Variants in PDE4D observed in about 807,000 individuals in gnomAD.
The protein encoded by PDE4D is phosphodiesterase 4D, also known as 3',5'-cyclic-AMP phosphodiesterase 4D.
PDE4D carries 24 observed loss-of-function variants against 87.4 expected under a neutral mutation model. That is an observed-to-expected ratio of 0.27 (90% confidence interval 0.20 to 0.39). The LOEUF is 0.39. Ranked by LOEUF, PDE4D falls within the 10% of genes least tolerant of loss-of-function variation. The pLI is 1.00. For synonymous variants in PDE4D, 384 were observed against 383.2 expected (o/e 1.00, Z -0.02); for missense variants, 714 against 1,041.0 (o/e 0.69, Z 4.32).
At chr5:60,205,993 G>A (rs1276525437) in intron 1 of PDE4D, among the ~76,000 whole-genome samples, 1 of 152,160 alleles carries the variant, frequency 6.6e-6, no homozygotes, top group Non-Finnish European at 1.5e-5. Flanking sequence ...TTCAACTAAT[G>A]TCATTAAGTG....
chr5:59,993,756 A>G (rs1763247955), intron 2 of PDE4D, among the ~76,000 whole-genome samples: 1 of 152,068 alleles, frequency 6.6e-6, no homozygotes, highest in South Asian at 2.1e-4. Flanking sequence ...ATAAAATGAT[A>G]CAACATTCAC....
intron 1 of PDE4D, among the ~76,000 whole-genome samples, chr5:60,468,852 G>A (rs899394925): frequency 6.6e-6 from 1 of 151,970 alleles, no homozygotes; most frequent in African/African-American, 2.4e-5. Context: ...TTGAAGCAGT[G>A]TCTCTATTTC....
intron 1 of PDE4D, among the ~76,000 whole-genome samples, chr5:59,667,915 A>T (rs966501386): frequency 2.6e-5 from 4 of 152,212 alleles, no homozygotes; most frequent in Non-Finnish European, 5.9e-5. Flanking sequence ...TTAGCAGCTC[A>T]CTGGCATTTT....
intron 1 of PDE4D, among the ~76,000 whole-genome samples, chr5:59,335,189 T>C (rs186165183): frequency 6.6e-6 from 1 of 152,342 alleles, no homozygotes; most frequent in Non-Finnish European, 1.5e-5. Context: ...TGTTTACCAC[T>C]GTGACCTCAG....
chr5:59,851,857 G>A (rs1490680092), intron 1 of PDE4D, among the ~76,000 whole-genome samples: 1 of 151,982 alleles, frequency 6.6e-6, no homozygotes, highest in African/African-American at 2.4e-5. Context: ...CAACCTGGAT[G>A]AGCTTGAAAG....
chr5:59,290,190 T>C (rs1371537070), intron 1 of PDE4D, among the ~76,000 whole-genome samples: 1 of 151,756 alleles, frequency 6.6e-6, no homozygotes. Flanking sequence ...TATGAAACTA[T>C]AAAAGACTCA....
chr5:58,991,174 T>C (rs1343403662), intron 8 of PDE4D, among the ~76,000 whole-genome samples: 2 of 151,904 alleles, frequency 1.3e-5, no homozygotes, highest in Non-Finnish European at 2.9e-5. Context: ...CCCAGCTACT[T>C]GGGAGGCTGA....
At chr5:59,003,493 C>T (rs181667734) in intron 6 of PDE4D, among the ~76,000 whole-genome samples, 1 of 152,328 alleles carries the variant, frequency 6.6e-6, no homozygotes, top group African/African-American at 2.4e-5. Context: ...ACCAAATATT[C>T]CAGCCTTTTT....
chr5:59,039,025 C>T, intron 5 of PDE4D, 54 bp from the exon 6 acceptor site: 1 of 1,538,096 alleles, frequency 6.5e-7, no homozygotes, highest in Non-Finnish European at 8.8e-7. Flanking sequence ...CACGGGTCCG[C>T]TAGCGAGTTC....
intron 2 of PDE4D, among the ~76,000 whole-genome samples, chr5:59,204,182 C>G (rs1748199658): frequency 7.0e-6 from 1 of 143,760 alleles, no homozygotes; most frequent in Admixed American, 6.7e-5. Context: ...GAGCCCGGCC[C>G]CATCTTTGAC....
chr5:59,275,891 G>C, intron 1 of PDE4D: 2 of 985,276 alleles, frequency 2.0e-6, no homozygotes, highest in East Asian at 2.3e-4. Context: ...GCAAGCACAG[G>C]AAAACACTCC....
chr5:59,861,651 T>C (rs1000017977), intron 1 of PDE4D, among the ~76,000 whole-genome samples: 9 of 152,304 alleles, frequency 5.9e-5, no homozygotes, highest in East Asian at 3.9e-4. Flanking sequence ...TCATTTTTTT[T>C]CCCCCAGCTC....
chr5:59,791,299 T>A (rs939667178), intron 1 of PDE4D, among the ~76,000 whole-genome samples: 8 of 152,208 alleles, frequency 5.3e-5, no homozygotes, highest in African/African-American at 1.9e-4. Context: ...ACACTCTACT[T>A]GATCTTAGCC....
intron 2 of PDE4D, among the ~76,000 whole-genome samples, chr5:60,039,601 A>T (rs1419564292): frequency 6.6e-5 from 10 of 151,928 alleles, no homozygotes; most frequent in African/African-American, 1.9e-4. Flanking sequence ...TAAAAGAAAA[A>T]AAATAAAAAA....
chr5:59,382,017 T>C (rs933778897), intron 1 of PDE4D, among the ~76,000 whole-genome samples: 1 of 152,154 alleles, frequency 6.6e-6, no homozygotes, highest in Non-Finnish European at 1.5e-5. Flanking sequence ...TTCATGGCCA[T>C]TGTAGATTAC....
At chr5:59,553,428 C>T (rs1439842063) in intron 1 of PDE4D, among the ~76,000 whole-genome samples, 3 of 152,142 alleles carry the variant, frequency 2.0e-5, no homozygotes, top group Admixed American at 6.6e-5. Context: ...CCTAATCACC[C>T]GCAAGTAACT....
intron 1 of PDE4D, among the ~76,000 whole-genome samples, chr5:60,358,640 T>C (rs1388932889): frequency 1.3e-5 from 2 of 152,176 alleles, no homozygotes; most frequent in African/African-American, 4.8e-5. Context: ...TCCCAGGGCC[T>C]GAGTCTTCCA....
chr5:59,013,350 A>G (rs965184152), intron 6 of PDE4D, among the ~76,000 whole-genome samples: 2 of 152,224 alleles, frequency 1.3e-5, no homozygotes, highest in African/African-American at 2.4e-5. Context: ...AAAAAAATCA[A>G]TGAGTCCAGG....
Position 59,869,250 on chromosome 5 carries a change from A to C in PDE4D, c.455+23918T>G, listed in dbSNP as rs1581507205. ...AGATTTGGAGAATCAGAGACACATAATCAGAAAAAGGGAGATTTGAACTGA... is the reference window on the plus strand; with the variant it reads ...AGATTTGGAGAATCAGAGACACATACTCAGAAAAAGGGAGATTTGAACTGA... On this transcript the variant is annotated intron_variant, in intron 1 of 14. Coordinates refer to ENST00000340635, the MANE Select transcript of PDE4D (RefSeq NM_001104631.2). 3.3e-5 allele frequency among the ~76,000 whole-genome samples: 5 copies of C among 152,330 alleles called. 1 individual carries two copies. The South Asian group carries it at 1.0e-3, about 32-fold the overall frequency.
Sources: allele counts gnomAD v4.1 joint callset (sites outside exome capture counted in the v4.1 genomes callset), GRCh38; gene constraint gnomAD v4.1.1; transcripts MANE v1.5; gene names NCBI Gene and HGNC (gene_info 2026-07-23, HGNC 2026-07-21).